PRKCQ: variants seen among roughly 807,000 people sequenced by gnomAD.
PRKCQ encodes protein kinase C theta type.
A neutral mutation model predicts 91.2 loss-of-function variants in PRKCQ; 41 were observed. The ratio of observed to expected loss-of-function variants is 0.45; its 90% CI spans 0.35 to 0.58. The LOEUF (loss-of-function observed/expected upper bound fraction) is 0.58. Ranked by LOEUF, PRKCQ falls within the 20% of genes least tolerant of loss-of-function variation. The pLI, the probability that PRKCQ is intolerant of heterozygous loss-of-function variation, is 0.00. For synonymous variants in PRKCQ, 307 were observed against 316.9 expected, an observed-to-expected ratio of 0.97 and a Z score of 0.33; for missense variants, 673 against 896.5, an observed-to-expected ratio of 0.75 and a Z score of 3.18.
the PRKCQ span, among the ~76,000 whole-genome samples, chr10:6,401,397 T>C: frequency 6.6e-6 from 1 of 152,166 alleles, no homozygotes; most frequent in Non-Finnish European, 1.5e-5. Context: ...TTATTTAAGG[T>C]CAACAAACTT....
chr10:6,423,410 C>T (rs187515765), downstream of PRKCQ, among the ~76,000 whole-genome samples: 4 of 152,306 alleles, frequency 2.6e-5, no homozygotes, highest in Admixed American at 2.0e-4. Flanking sequence ...CATCACTGAC[C>T]CTCCAGGAGA....
chr10:6,497,378 T>A lies in PRKCQ; in HGVS notation c.543-127A>T. On this transcript the variant is annotated intron_variant, in intron 5 of 17. Coordinates refer to ENST00000263125, the MANE Select transcript of PRKCQ (RefSeq NM_006257.5). This position sits in a 1 kb window ranked among gnomAD's most constrained non-coding sequence, Gnocchi z 4.5. ...GAGCAGTTTCTGATCAGCAGCCCTG[T>A]TGTATCATTTGCCAAGAGTATTAAC... The A allele has an allele frequency of 9.3e-7, 1 of 1,079,394 alleles. No individual in the cohort carries two copies. Among genetic ancestry groups the A allele is most frequent in the Non-Finnish European group, 1.4e-6 (1 of 710,226 alleles). The allele number at this position is 1,079,394 out of a possible 1,614,324, so 66.9% of individuals were successfully genotyped here.
At chr10:6,444,850 C>T (rs958813148) in intron 15 of PRKCQ, among the ~76,000 whole-genome samples, 1 of 152,022 alleles carries the variant, frequency 6.6e-6, no homozygotes, top group Non-Finnish European at 1.5e-5. Flanking sequence ...AAGAAAATGA[C>T]ACCACAATTC....
intron 1 of PRKCQ, among the ~76,000 whole-genome samples, chr10:6,526,821 T>C (rs971079005): frequency 5.3e-5 from 8 of 152,014 alleles, no homozygotes; most frequent in Non-Finnish European, 7.4e-5. Context: ...TATTTACACC[T>C]AGAAAGGGGG....
intron 4 of PRKCQ, 31 bp downstream of exon 4, chr10:6,507,404 AC>A: frequency 6.3e-7 from 1 of 1,591,694 alleles, no homozygotes; most frequent in Non-Finnish European, 8.6e-7. Flanking sequence ...TGCCCTCCTC[AC>A]CCCCAAACAG....
At chr10:6,566,758 T>C (rs1029584413) in intron 1 of PRKCQ, among the ~76,000 whole-genome samples, 3 of 151,980 alleles carry the variant, frequency 2.0e-5, no homozygotes, top group African/African-American at 7.3e-5. Context: ...AACACACTGA[T>C]GACCAAGCAG....
chr10:6,490,123 C>T (rs369926388), intron 8 of PRKCQ, among the ~76,000 whole-genome samples: 1 of 152,044 alleles, frequency 6.6e-6, no homozygotes, highest in Non-Finnish European at 1.5e-5. Context: ...TAGAGAAAAG[C>T]GTGTCAGTGT....
intron 7 of PRKCQ, among the ~76,000 whole-genome samples, chr10:6,496,505 T>C (rs930935272): frequency 6.6e-6 from 1 of 152,156 alleles, no homozygotes; most frequent in Non-Finnish European, 1.5e-5. Flanking sequence ...ATTTACTCTT[T>C]TACTGTCACT....
At chr10:6,418,682 A>G in the PRKCQ span, among the ~76,000 whole-genome samples, 27,989 of 152,054 alleles carry the variant, frequency 0.18, 2,779 homozygotes, top group Non-Finnish European at 0.23. Flanking sequence ...CCTCAGCTCA[A>G]AAACCCTCTA....
chr10:6,456,608 C>A (rs900481094), intron 15 of PRKCQ, 66 bp downstream of exon 15: 23 of 1,570,948 alleles, frequency 1.5e-5, no homozygotes, highest in Non-Finnish European at 2.0e-5. Flanking sequence ...TTTTCAGGGG[C>A]TAAAGAAGCA....
chr10:6,490,094 G>A (rs1588750541), intron 8 of PRKCQ, among the ~76,000 whole-genome samples: 2 of 152,194 alleles, frequency 1.3e-5, no homozygotes, highest in South Asian at 4.1e-4. Flanking sequence ...GCCTATCCAT[G>A]TCTTCTTGAA....
At chr10:6,509,536 G>A (rs1838365038) in intron 3 of PRKCQ, among the ~76,000 whole-genome samples, 2 of 152,150 alleles carry the variant, frequency 1.3e-5, no homozygotes, top group Admixed American at 1.3e-4. Context: ...AGCCTCCCAA[G>A]TAGCTGGGAT....
intron 12 of PRKCQ, among the ~76,000 whole-genome samples, chr10:6,467,409 G>GAGAC (rs1835742541): frequency 7.7e-6 from 1 of 130,418 alleles, no homozygotes; most frequent in South Asian, 3.3e-4. Context: ...GAGAGAGAGA[G>GAGAC]AGAGAGAGAG....
At chr10:6,496,179 GC>G (rs1837575581) in intron 7 of PRKCQ, among the ~76,000 whole-genome samples, 1 of 132,470 alleles carries the variant, frequency 7.5e-6, no homozygotes, top group Non-Finnish European at 1.5e-5. Flanking sequence ...TGACACCACT[GC>G]ACTCCAGCCT....
the PRKCQ span, among the ~76,000 whole-genome samples, chr10:6,421,455 A>AT: frequency 2.0e-5 from 3 of 152,214 alleles, no homozygotes; most frequent in African/African-American, 7.2e-5. This position sits in a 1 kb window ranked among gnomAD's most constrained non-coding sequence, Gnocchi z 4.1. Context: ...AATACACTCC[A>AT]TCCTGGGTGA....
At chr10:6,521,521 G>T (rs1839002201) in intron 1 of PRKCQ, among the ~76,000 whole-genome samples, 1 of 152,158 alleles carries the variant, frequency 6.6e-6, no homozygotes, top group Non-Finnish European at 1.5e-5. Flanking sequence ...GATTAAATGG[G>T]CAAATACACA....
the PRKCQ span, among the ~76,000 whole-genome samples, chr10:6,403,792 T>C: frequency 6.6e-6 from 1 of 151,826 alleles, no homozygotes; most frequent in Admixed American, 6.6e-5. Flanking sequence ...GCCTAAGACA[T>C]AGTTGGTGCT....
intron 12 of PRKCQ, among the ~76,000 whole-genome samples, chr10:6,478,329 T>G (rs1467668984): frequency 6.6e-6 from 1 of 152,200 alleles, no homozygotes; most frequent in African/African-American, 2.4e-5. Flanking sequence ...TATAAGTGAT[T>G]TTCTTCTTTG....
chr10:6,501,592 C>T (rs1837916346), intron 4 of PRKCQ, among the ~76,000 whole-genome samples: 1 of 151,822 alleles, frequency 6.6e-6, no homozygotes, highest in South Asian at 2.1e-4. Context: ...GAGGCCGAGG[C>T]AGGCAGATCA....
Sources: gnomAD v4.1 joint callset for allele counts (sites outside exome capture counted in the v4.1 genomes callset) on GRCh38, gnomAD v4.1.1 for gene constraint, Gnocchi (gnomAD v3.1) non-coding constraint, MANE v1.5 for transcripts, NCBI Gene and HGNC (gene_info 2026-07-23, HGNC 2026-07-21) for gene names.